C11orf97: variants seen among roughly 807,000 people sequenced by gnomAD.
The protein encoded by C11orf97 is uncharacterized protein C11orf97.
Under a neutral mutation model 16.2 loss-of-function variants are expected in C11orf97, and 15 were observed. That is an observed-to-expected ratio of 0.93 (90% CI 0.62 to 1.43). The LOEUF is 1.43. C11orf97 is among the 40% of genes most tolerant of loss of function. C11orf97 has a pLI of 0.00. For missense variants in C11orf97, 171 were observed against 161.2 expected (o/e 1.06, Z -0.33); for synonymous variants, 61 against 65.7 (o/e 0.93, Z 0.34).
At chr11:94,527,991 A>G in intron 2 of C11orf97, 93 bp from the exon 3 acceptor site, 5 of 1,256,728 alleles carry the variant, frequency 4.0e-6, no homozygotes, top group Non-Finnish European at 5.3e-6. Context: ...CACCCAAATA[A>G]ATAAAAAAAT....
chr11:94,532,020 A>G lies in C11orf97; in HGVS notation c.*120A>G. ...TGCAAAAAAATGATAGCCTGTAATT[A>G]CTATTATTGGTATTAATACCTATCT... On this transcript the variant is annotated 3_prime_UTR_variant, in exon 4 of 4. Coordinates refer to ENST00000542198, the MANE Select transcript of C11orf97 (RefSeq NM_001190462.2). The G allele has an allele frequency of 1.3e-6, 1 of 744,836 alleles. No individual in the cohort carries two copies. Among genetic ancestry groups the G allele is most frequent in the South Asian group, 2.5e-5 (1 of 39,656 alleles). The allele number at this position is 744,836 out of a possible 1,614,324, so 46.1% of individuals were successfully genotyped here. A position where few individuals can be genotyped will look rare whatever the true frequency, so the allele number is the denominator to read the frequency against.
In C11orf97 at chr11:94,528,068, T is replaced by A; in HGVS notation, c.251-16T>A. On this transcript the variant is annotated splice_polypyrimidine_tract_variant and intron_variant, in intron 2 of 3. Coordinates refer to ENST00000542198, the MANE Select transcript of C11orf97 (RefSeq NM_001190462.2). ...TACGCTAATAATTATTTTCTTGCCT[T>A]AAAAAATATTGACAGTGGCCCTGGA... 3 of 1,515,382 alleles carry A rather than the reference T, an allele frequency of 2.0e-6. No individual in the cohort carries two copies. Among genetic ancestry groups the A allele is most frequent in the Non-Finnish European group, 2.6e-6 (3 of 1,138,230 alleles). The allele number at this position is 1,515,382 out of a possible 1,614,324, so 93.9% of individuals were successfully genotyped here.
chr11:94,518,920 T>G (rs1363385863), intron 2 of C11orf97, among the ~76,000 whole-genome samples: 1 of 152,078 alleles, frequency 6.6e-6, no homozygotes, highest in East Asian at 1.9e-4. Flanking sequence ...TACATTTTTT[T>G]TTTTTTTGGA....
chr11:94,522,255 G>A (rs147172194), intron 2 of C11orf97, among the ~76,000 whole-genome samples: 2 of 152,282 alleles, frequency 1.3e-5, no homozygotes, highest in East Asian at 3.9e-4. Context: ...ACACCTCTGG[G>A]CTGGGCATGG....
At chr11:94,513,828 T>C (rs749946674) in intron 1 of C11orf97, among the ~76,000 whole-genome samples, 7 of 152,180 alleles carry the variant, frequency 4.6e-5, no homozygotes, top group Admixed American at 1.3e-4. Context: ...ATGATTATTA[T>C]TATTTTTAGA....
chr11:94,519,350 T>G (rs1311627352), intron 2 of C11orf97, among the ~76,000 whole-genome samples: 1 of 152,238 alleles, frequency 6.6e-6, no homozygotes, highest in East Asian at 1.9e-4. Flanking sequence ...ATTTTGAACT[T>G]AATGAATGGA....
intron 1 of C11orf97, among the ~76,000 whole-genome samples, chr11:94,514,147 A>G (rs1947590721): frequency 6.6e-6 from 1 of 152,162 alleles, no homozygotes; most frequent in Admixed American, 6.5e-5. Flanking sequence ...TCCCCATTAA[A>G]GATGCTAGTT....
chr11:94,529,840 G>A (rs1462321245), intron 3 of C11orf97, among the ~76,000 whole-genome samples: 2 of 152,196 alleles, frequency 1.3e-5, no homozygotes, highest in Non-Finnish European at 2.9e-5. Flanking sequence ...AATTCACAAA[G>A]ATATTAGTGT....
intron 2 of C11orf97, among the ~76,000 whole-genome samples, chr11:94,521,405 C>A (rs1947656352): frequency 6.6e-6 from 1 of 152,194 alleles, no homozygotes; most frequent in Admixed American, 6.5e-5. Flanking sequence ...TGGGCAGTGG[C>A]CATGAGCCGC....
chr11:94,530,179 T>C (rs1947727567), intron 3 of C11orf97, among the ~76,000 whole-genome samples: 1 of 152,248 alleles, frequency 6.6e-6, no homozygotes, highest in African/African-American at 2.4e-5. Flanking sequence ...AGACATTTCA[T>C]GGCTCCCGCT....
At position 94,515,659 on chromosome 11, in the gene C11orf97, C is replaced by A. The variant is rs1947606269; in HGVS notation, c.146-1924C>A. On this transcript the variant is annotated intron_variant, in intron 1 of 3. Coordinates refer to ENST00000542198, the MANE Select transcript of C11orf97 (RefSeq NM_001190462.2). ...TCCTTTCTTTTGTCCTTTCTCCTTT[C>A]CTTCCCTTTTTCCTTTCCTCTCCTC... 2.0e-5 allele frequency among the ~76,000 whole-genome samples: 3 copies of A among 150,758 alleles called. No individual in the cohort carries two copies. In the Admixed American group the frequency reaches 2.0e-4, roughly 10 times the overall value.
chr11:94,523,167 C>T (rs1019843878), intron 2 of C11orf97, among the ~76,000 whole-genome samples: 7 of 152,198 alleles, frequency 4.6e-5, no homozygotes, highest in Admixed American at 2.6e-4. Flanking sequence ...CCAATTATTT[C>T]TTACCCCTAG....
chr11:94,519,942 T>C (rs527910590), intron 2 of C11orf97, among the ~76,000 whole-genome samples: 2 of 152,210 alleles, frequency 1.3e-5, no homozygotes, highest in Non-Finnish European at 2.9e-5. Context: ...GACCCCTCCT[T>C]TATATATCTG....
intron 2 of C11orf97, among the ~76,000 whole-genome samples, chr11:94,524,852 A>G (rs1947687298): frequency 6.6e-6 from 1 of 152,154 alleles, no homozygotes; most frequent in Non-Finnish European, 1.5e-5. Context: ...TGAGGTCAGG[A>G]GTTCAAAACC....
At chr11:94,525,085 A>G (rs552680199) in intron 2 of C11orf97, among the ~76,000 whole-genome samples, 24 of 151,326 alleles carry the variant, frequency 1.6e-4, no homozygotes, top group Non-Finnish European at 2.9e-5. Context: ...AAAAAAAAAG[A>G]AAGAAAAGAA....
chr11:94,521,474 G>A (rs1021072585), intron 2 of C11orf97, among the ~76,000 whole-genome samples: 6 of 152,218 alleles, frequency 3.9e-5, no homozygotes, highest in East Asian at 3.8e-4. Context: ...TAGGCTAGGC[G>A]AAGCTATGAT....
intron 3 of C11orf97, among the ~76,000 whole-genome samples, chr11:94,528,547 G>A (rs759341235): frequency 6.6e-5 from 10 of 152,130 alleles, no homozygotes; most frequent in Non-Finnish European, 1.3e-4. Flanking sequence ...TCTCGATAGA[G>A]GATCTTTGTT....
chr11:94,517,851 G>C (rs112915250), intron 2 of C11orf97, among the ~76,000 whole-genome samples, 164 bp downstream of exon 2: 8,125 of 114,564 alleles, frequency 0.071, 757 homozygotes, highest in African/African-American at 0.23. Context: ...AAACCTTCAT[G>C]TCTAGAAAAA....
intron 3 of C11orf97, among the ~76,000 whole-genome samples, chr11:94,528,711 C>A (rs956017606): frequency 6.6e-6 from 1 of 152,112 alleles, no homozygotes; most frequent in East Asian, 1.9e-4. Flanking sequence ...AACTTTGGAA[C>A]AAAATATTAC....
Sources: allele counts gnomAD v4.1 joint callset (sites outside exome capture counted in the v4.1 genomes callset), GRCh38; gene constraint gnomAD v4.1.1; transcripts MANE v1.5; gene names NCBI Gene and HGNC (gene_info 2026-07-23, HGNC 2026-07-21).